Variants in SRPK2 observed in about 807,000 individuals in gnomAD.
SRPK2 encodes SRSF protein kinase 2.
A neutral mutation model predicts 90.8 loss-of-function variants in SRPK2; 21 were observed. That is an observed-to-expected ratio of 0.23 (90% CI 0.16 to 0.33). The LOEUF is 0.33. Among genes scored for constraint, SRPK2 ranks in the 10% least tolerant of loss-of-function variants. The pLI is 1.00. For missense variants in SRPK2, 620 were observed against 869.0 expected (o/e 0.71, Z 3.60); for synonymous variants, 288 against 311.1 (o/e 0.93, Z 0.78).
intron 2 of SRPK2, 102 bp from the exon 3 acceptor site, chr7:105,203,887 A>C: frequency 7.4e-7 from 1 of 1,346,230 alleles, no homozygotes; most frequent in Admixed American, 2.3e-5. Context: ...AAAACTTGTC[A>C]CATACTAAGA....
chr7:105,222,148 A>C (rs569082819), intron 2 of SRPK2, among the ~76,000 whole-genome samples: 1 of 152,332 alleles, frequency 6.6e-6, no homozygotes, highest in South Asian at 2.1e-4. Context: ...TTACCAATTA[A>C]ATTGTTAGGG....
chr7:105,304,127 T>C (rs1273953740), intron 2 of SRPK2: 1 of 152,234 alleles, frequency 6.6e-6, no homozygotes, highest in African/African-American at 2.4e-5. Context: ...ACTGCTAATG[T>C]AGCACAAGAC....
intron 2 of SRPK2, among the ~76,000 whole-genome samples, chr7:105,332,290 T>C (rs1448577255): frequency 6.6e-6 from 1 of 152,180 alleles, no homozygotes; most frequent in Admixed American, 6.5e-5. Flanking sequence ...AACTGTAAAT[T>C]TGGTTGCTCT....
At chr7:105,293,351 G>A (rs1449895979) in intron 2 of SRPK2, among the ~76,000 whole-genome samples, 2 of 151,958 alleles carry the variant, frequency 1.3e-5, no homozygotes, top group East Asian at 1.9e-4. Context: ...CTGTTGCTTT[G>A]TATTATGGTG....
intron 2 of SRPK2, among the ~76,000 whole-genome samples, chr7:105,286,146 A>G (rs1291890037): frequency 6.6e-6 from 1 of 152,240 alleles, no homozygotes; most frequent in Admixed American, 6.5e-5. Context: ...CAGTCTGTAC[A>G]TAGGGTTTGG....
intron 3 of SRPK2, among the ~76,000 whole-genome samples, chr7:105,199,385 A>G (rs879886852): frequency 1.3e-5 from 2 of 152,228 alleles, no homozygotes; most frequent in Non-Finnish European, 2.9e-5. Context: ...AAGCAAGAGA[A>G]AGAGGTGAAG....
At chr7:105,279,401 A>G (rs893636553) in intron 2 of SRPK2, among the ~76,000 whole-genome samples, 4 of 152,252 alleles carry the variant, frequency 2.6e-5, no homozygotes, top group Non-Finnish European at 5.9e-5. Context: ...CAAGAGAAAT[A>G]CTAGTTCAAA....
chr7:105,168,187 T>C (rs1333188592), intron 4 of SRPK2, 92 bp from the exon 5 acceptor site: 7 of 1,087,780 alleles, frequency 6.4e-6, no homozygotes, highest in East Asian at 5.3e-5. Flanking sequence ...AATTGGAAAA[T>C]GTAAAATCCA....
In SRPK2 at chr7:105,388,915, C is replaced by T. The variant is rs1172303736; in HGVS notation, c.-109G>A. On this transcript the variant is annotated 5_prime_UTR_variant, in exon 1 of 16. Coordinates refer to ENST00000393651, the MANE Select transcript of SRPK2 (RefSeq NM_182692.3). ...CCGCCGGCCGGGAGGAGACGAGAAC[C>T]GCGCCTGCGCCGCCGCCGCCGCCGC... 6.6e-6 allele frequency: 8 copies of T among 1,213,638 alleles called. No individual in the cohort carries two copies. Among genetic ancestry groups the T allele is most frequent in the Admixed American group, 8.9e-5 (2 of 22,566 alleles). 75.2% of individuals were successfully genotyped at this position (1,213,638 alleles called of 1,614,324 possible).
At chr7:105,121,002 A>G (rs1355543281) in intron 15 of SRPK2, among the ~76,000 whole-genome samples, 2 of 152,184 alleles carry the variant, frequency 1.3e-5, no homozygotes, top group Admixed American at 1.3e-4. Flanking sequence ...TATTTTAAAA[A>G]CACATTTTCA....
rs145442903 is a variant in SRPK2 at position 105,194,977 on chromosome 7, C to CA, written c.229+8650dup. Among the ~76,000 whole-genome samples the CA allele has an allele frequency of 1.4e-4, 22 of 152,220 alleles. No homozygotes were observed. In the East Asian group the frequency reaches 3.9e-3, roughly 27 times the overall value. On this transcript the variant is annotated intron_variant, in intron 3 of 15. Coordinates refer to ENST00000393651, the MANE Select transcript of SRPK2 (RefSeq NM_182692.3). ...GCAGCAACAAGATAAAAGTATATTT[C>CA]AAAAAAACACCTCAGGCCTACCACA...
At chr7:105,291,106 T>C (rs1808955384) in intron 2 of SRPK2, among the ~76,000 whole-genome samples, 1 of 142,956 alleles carries the variant, frequency 7.0e-6, no homozygotes, top group Admixed American at 6.9e-5. Flanking sequence ...AAATGGCACA[T>C]CCAAAGCTAC....
intron 2 of SRPK2, among the ~76,000 whole-genome samples, chr7:105,212,741 CT>C (rs2129612952): frequency 6.6e-6 from 1 of 152,266 alleles, no homozygotes; most frequent in East Asian, 1.9e-4. Flanking sequence ...TGGGAAAACG[CT>C]GCAATTGTTA....
chr7:105,145,343 G>C, intron 8 of SRPK2, 35 bp from the exon 9 acceptor site: 1 of 1,536,114 alleles, frequency 6.5e-7, no homozygotes. Flanking sequence ...GTATTTAGCA[G>C]AAAACAGACA....
rs540624870 is a variant in SRPK2, at chr7:105,167,598, CTTTATTTA to C, written c.427-142_427-135del. 3.1e-4 allele frequency: 153 copies of C among 496,500 alleles called. 1 individual carries two copies. Among genetic ancestry groups the C allele is most frequent in the Admixed American group, 1.5e-3 (39 of 25,988 alleles). 30.8% of individuals were successfully genotyped at this position (496,500 alleles called of 1,614,324 possible). A position where few individuals can be genotyped will look rare whatever the true frequency, so the allele number is the denominator to read the frequency against. On this transcript the variant is annotated intron_variant, in intron 5 of 15. Transcript: ENST00000393651. ...TCATCACAAAGTTATAAAAAATAAA[CTTTATTTA>C]TTTATTTATTTATTTATTTTTTGAG...
intron 2 of SRPK2, among the ~76,000 whole-genome samples, chr7:105,365,003 T>C (rs188760746): frequency 6.6e-6 from 1 of 152,202 alleles, no homozygotes; most frequent in Admixed American, 6.5e-5. Flanking sequence ...GGTTCAAGGT[T>C]AGCAGCTTTA....
At chr7:105,325,352 T>C (rs1813435070) in intron 2 of SRPK2, among the ~76,000 whole-genome samples, 1 of 152,078 alleles carries the variant, frequency 6.6e-6, no homozygotes, top group Admixed American at 6.6e-5. Flanking sequence ...TAAGAGCTGG[T>C]ATGTATGGCT....
chr7:105,181,385 A>G (rs1430631242), intron 3 of SRPK2, among the ~76,000 whole-genome samples: 1 of 152,230 alleles, frequency 6.6e-6, no homozygotes, highest in African/African-American at 2.4e-5. Context: ...AAAGGAATAT[A>G]AACTGTTCTA....
At chr7:105,293,282 GA>G (rs559924466) in intron 2 of SRPK2, among the ~76,000 whole-genome samples, 3,170 of 144,828 alleles carry the variant, frequency 0.022, 51 homozygotes, top group Middle Eastern at 0.043. Flanking sequence ...CTCAAAAAAA[GA>G]AAAAAAAAAA....
Sources: allele counts gnomAD v4.1 joint callset (sites outside exome capture counted in the v4.1 genomes callset), GRCh38; gene constraint gnomAD v4.1.1; transcripts MANE v1.5; gene names NCBI Gene and HGNC (gene_info 2026-07-23, HGNC 2026-07-21).